Variants in SKI observed in about 807,000 individuals in gnomAD.
SKI encodes the protein ski oncogene.
A neutral mutation model predicts 59.3 loss-of-function variants in SKI; 23 were observed. The ratio of observed to expected loss-of-function variants is 0.39; its 90% CI spans 0.28 to 0.55. SKI has a LOEUF of 0.55. Ranked by LOEUF, SKI falls within the 20% of genes least tolerant of loss-of-function variation. The pLI, the probability that SKI is intolerant of heterozygous loss-of-function variation, is 0.67. For missense variants in SKI, 1,017 were observed against 1,038.9 expected, an observed-to-expected ratio of 0.98 and a Z score of 0.29; for synonymous variants, 673 against 488.6, an observed-to-expected ratio of 1.38 and a Z score of -4.98.
At position 2,285,202 on chromosome 1, in the gene SKI, G is replaced by C. The variant is rs1459597474; in HGVS notation, c.970-17776G>C. ...TGCCTTTTTGACATGCATTTGGAAGGTGTTAACAAATGGACTTAGATTCTT... is the reference window on the plus strand; with the variant it reads ...TGCCTTTTTGACATGCATTTGGAAGCTGTTAACAAATGGACTTAGATTCTT... On this transcript the variant is annotated intron_variant, in intron 1 of 6. Transcript: ENST00000378536. Among the ~76,000 whole-genome samples, 4 of 152,074 alleles carry C rather than the reference G, an allele frequency of 2.6e-5. No homozygotes were observed. The East Asian group carries it at 7.8e-4, about 29-fold the overall frequency.
chr1:2,252,699 T>A (rs1639190191), intron 1 of SKI, among the ~76,000 whole-genome samples: 1 of 152,000 alleles, frequency 6.6e-6, no homozygotes, highest in Non-Finnish European at 1.5e-5. Context: ...GTGGTATGGG[T>A]TCCTCCCTCA....
At position 2,309,486 on chromosome 1, in the gene SKI, T is replaced by C. The variant is rs1305291046; in HGVS notation, c.*2721T>C. The C allele has an allele frequency of 6.6e-6, 1 of 152,202 alleles. No homozygotes were observed. Among genetic ancestry groups the C allele is most frequent in the Non-Finnish European group, 1.5e-5 (1 of 68,024 alleles). 9.4% of individuals were successfully genotyped at this position (152,202 alleles called of 1,614,324 possible). On this transcript the variant is annotated 3_prime_UTR_variant, in exon 7 of 7. Transcript: ENST00000378536. ...TTTTTCCTTTTTCACCGTTGTATTATACATGTATATGCTGGGTCCTTTTTC... is the reference window on the plus strand; with the variant it reads ...TTTTTCCTTTTTCACCGTTGTATTACACATGTATATGCTGGGTCCTTTTTC...
chr1:2,292,072 A>G (rs1169426759), intron 1 of SKI, among the ~76,000 whole-genome samples: 2 of 152,248 alleles, frequency 1.3e-5, no homozygotes, highest in Non-Finnish European at 2.9e-5. Flanking sequence ...GAGAAGGCCC[A>G]TAGCTCACGT....
chr1:2,302,725 C>T (rs1053818254), intron 1 of SKI, among the ~76,000 whole-genome samples: 12 of 152,206 alleles, frequency 7.9e-5, no homozygotes, highest in African/African-American at 7.2e-5. Context: ...AGGACAAGGT[C>T]CACTCTGTTC....
In SKI at chr1:2,308,977, GCCCA is replaced by G. The variant is rs1553202090; in HGVS notation, c.*2216_*2219del. The G allele has an allele frequency of 6.6e-6, 1 of 152,250 alleles. No homozygotes were observed. The highest frequency in any genetic ancestry group is 1.5e-5 in the Non-Finnish European group (1 of 68,088). The allele number at this position is 152,250 out of a possible 1,614,324, so 9.4% of individuals were successfully genotyped here. On this transcript the variant is annotated 3_prime_UTR_variant, in exon 7 of 7. Coordinates refer to ENST00000378536, the MANE Select transcript of SKI (RefSeq NM_003036.4). ...GGAGGGTCCAGCCAGTGTCACCTGGGCCCACCCTTTCCTGCAGCTGCCAGGCCCG... is the reference window on the plus strand; with the variant it reads ...GGAGGGTCCAGCCAGTGTCACCTGGGCCCTTTCCTGCAGCTGCCAGGCCCG...
intron 1 of SKI, among the ~76,000 whole-genome samples, chr1:2,280,671 C>T (rs1245446976): frequency 2.2e-3 from 184 of 82,000 alleles, no homozygotes; most frequent in Admixed American, 4.2e-3. Flanking sequence ...AGACAGGCGG[C>T]GGCGGCGATC....
At chr1:2,274,273 G>C (rs530969147) in intron 1 of SKI, among the ~76,000 whole-genome samples, 1 of 152,252 alleles carries the variant, frequency 6.6e-6, no homozygotes, top group African/African-American at 2.4e-5. Context: ...ATCAGTCTTT[G>C]CAAATACTTG....
intron 1 of SKI, among the ~76,000 whole-genome samples, chr1:2,285,384 G>A (rs888039163): frequency 3.3e-5 from 5 of 151,826 alleles, no homozygotes; most frequent in East Asian, 2.0e-4. Context: ...GCGTGGTGGC[G>A]GGTGCCTGTA....
In SKI at chr1:2,307,634, C is replaced by G. The variant is rs1479642433; in HGVS notation, c.*869C>G. ...CTTTTCAGTTCGGCAAACGTCGCTCCCTTCATTTTGGGACTGAGGCTGCAG... is the reference window on the plus strand; with the variant it reads ...CTTTTCAGTTCGGCAAACGTCGCTCGCTTCATTTTGGGACTGAGGCTGCAG... On this transcript the variant is annotated 3_prime_UTR_variant, in exon 7 of 7. Coordinates refer to ENST00000378536, the MANE Select transcript of SKI (RefSeq NM_003036.4). The G allele has an allele frequency of 6.6e-6, 1 of 152,520 alleles. No individual in the cohort carries two copies. The highest frequency in any genetic ancestry group is 1.5e-5 in the Non-Finnish European group (1 of 68,052). 9.4% of individuals were successfully genotyped at this position (152,520 alleles called of 1,614,324 possible).
At chr1:2,249,316 G>A (rs1390561563) in intron 1 of SKI, among the ~76,000 whole-genome samples, 1 of 152,242 alleles carries the variant, frequency 6.6e-6, no homozygotes, top group African/African-American at 2.4e-5. Flanking sequence ...AGGGTCCAGC[G>A]TGCAGGCCGG....
intron 1 of SKI, among the ~76,000 whole-genome samples, chr1:2,257,075 C>G (rs1031852018): frequency 6.6e-6 from 1 of 152,212 alleles, no homozygotes; most frequent in African/African-American, 2.4e-5. Context: ...TGAGCACTTT[C>G]TTTGTTGGCT....
intron 1 of SKI, chr1:2,240,592 G>T: frequency 1.0e-6 from 1 of 985,448 alleles, no homozygotes; most frequent in Non-Finnish European, 1.2e-6. Context: ...AAATCAAGAG[G>T]ATTTTAAGAA....
Position 2,303,135 on chromosome 1 carries a change from G to C in SKI, c.1095+32G>C. On this transcript the variant is annotated intron_variant, in intron 2 of 6. Coordinates refer to ENST00000378536, the MANE Select transcript of SKI (RefSeq NM_003036.4). This position sits in a 1 kb window ranked among gnomAD's most constrained non-coding sequence, Gnocchi z 5.6. Reference sequence around the variant, plus strand: ...TGGGGCCTGTCGGGGTCCTTGGGGTGGTGGGTACTGGGCCCTTCTCCTTGG... The same window carrying C: ...TGGGGCCTGTCGGGGTCCTTGGGGTCGTGGGTACTGGGCCCTTCTCCTTGG... The C allele has an allele frequency of 1.2e-6, 2 of 1,612,588 alleles. No homozygotes were observed. Among genetic ancestry groups the C allele is most frequent in the Non-Finnish European group, 1.7e-6 (2 of 1,179,844 alleles).
intron 1 of SKI, among the ~76,000 whole-genome samples, chr1:2,233,345 G>A (rs1018959239): frequency 6.6e-6 from 1 of 152,144 alleles, no homozygotes; most frequent in African/African-American, 2.4e-5. Flanking sequence ...TCCTAGGGGC[G>A]GTGGGCTGCC....
At chr1:2,255,883 C>A (rs767678460) in intron 1 of SKI, among the ~76,000 whole-genome samples, 3 of 151,682 alleles carry the variant, frequency 2.0e-5, no homozygotes, top group Non-Finnish European at 4.4e-5. Context: ...CTCTGGAGCT[C>A]TCTCTGTCCT....
intron 1 of SKI, among the ~76,000 whole-genome samples, chr1:2,289,441 C>T (rs1156898397): frequency 2.0e-5 from 3 of 151,454 alleles, no homozygotes; most frequent in African/African-American, 7.3e-5. Flanking sequence ...TGTGGCACTG[C>T]AGAGCTACAC....
intron 1 of SKI, among the ~76,000 whole-genome samples, chr1:2,263,832 A>C (rs1569757512): frequency 6.8e-6 from 1 of 146,562 alleles, no homozygotes. Context: ...GTGCCACTGC[A>C]CTTCAGCCTG....
chr1:2,295,719 A>G (rs2643887), intron 1 of SKI, among the ~76,000 whole-genome samples: 10 of 68,202 alleles, frequency 1.5e-4, no homozygotes, highest in African/African-American at 2.6e-4. Context: ...ACGTGTGGCT[A>G]TGTGTCCAGG....
chr1:2,300,451 A>G (rs1037810342), intron 1 of SKI, among the ~76,000 whole-genome samples: 9 of 152,158 alleles, frequency 5.9e-5, no homozygotes, highest in African/African-American at 2.2e-4. Context: ...AGTAAGACTC[A>G]GCCGTCTGTC....
Sources: gnomAD v4.1 joint callset for allele counts (sites outside exome capture counted in the v4.1 genomes callset) on GRCh38, gnomAD v4.1.1 for gene constraint, Gnocchi (gnomAD v3.1) non-coding constraint, MANE v1.5 for transcripts, NCBI Gene and HGNC (gene_info 2026-07-23, HGNC 2026-07-21) for gene names.